Variants in EPS8L1 observed in about 807,000 individuals in gnomAD.
EPS8L1 encodes epidermal growth factor receptor kinase substrate 8-like protein 1.
In EPS8L1, 101 loss-of-function variants were observed where a neutral mutation model predicts 91.7. The ratio of observed to expected loss-of-function variants is 1.10; its 90% CI spans 0.94 to 1.30. The LOEUF (loss-of-function observed/expected upper bound fraction) is 1.30, where lower values mean the gene tolerates loss of function less well. Ranked by LOEUF, EPS8L1 falls within the 50% of genes most tolerant of loss-of-function variation. The pLI, the probability that EPS8L1 is intolerant of heterozygous loss-of-function variation, is 0.00. For missense variants in EPS8L1, 1,114 were observed against 1,017.0 expected (o/e 1.10, Z -1.30); for synonymous variants, 506 against 445.3 (o/e 1.14, Z -1.72).
Position 55,087,526 on chromosome 19 carries a change from A to G in EPS8L1, c.2086-2A>G. On this transcript the variant is annotated splice_acceptor_variant, in intron 19 of 19. Coordinates refer to ENST00000201647, the MANE Select transcript of EPS8L1 (RefSeq NM_133180.3). LOFTEE classifies it high-confidence loss of function. ...CAAAGCGATTTCCACCCCGCCCTCC[A>G]GGACAAAGAGAAAGTGTCAGAGCTG... The G allele has an allele frequency of 6.2e-7, 1 of 1,614,182 alleles. No homozygotes were observed. Among genetic ancestry groups the G allele is most frequent in the Non-Finnish European group, 8.5e-7 (1 of 1,180,030 alleles).
Position 55,081,336 on chromosome 19 carries a change from C to T in EPS8L1, c.618C>T (p.Gly206=), listed in dbSNP as rs1039686937. 3 of 1,556,842 alleles carry T rather than the reference C, an allele frequency of 1.9e-6. No individual in the cohort carries two copies. The highest frequency in any genetic ancestry group is 2.6e-6 in the Non-Finnish European group (3 of 1,156,318). ...VRAVISTVER[G]AGRGRPQAKP... Reference sequence around the variant, plus strand: ...CAGTGATCAGCACCGTAGAGCGGGGCGCGGGCCGCGGACGACCCCAGGCGA... The same window carrying T: ...CAGTGATCAGCACCGTAGAGCGGGGTGCGGGCCGCGGACGACCCCAGGCGA... The change falls in exon 8 of 20, where the codon GGC becomes GGT. Residue 206 remains glycine (G), a synonymous_variant. Coordinates refer to ENST00000201647, the MANE Select transcript of EPS8L1 (RefSeq NM_133180.3). This position sits in a 1 kb window ranked among gnomAD's most constrained non-coding sequence, Gnocchi z 4.9.
Position 55,086,843 on chromosome 19 carries a change from C to G in EPS8L1, c.1907C>G (p.Ala636Gly). Residue 636 changes from alanine to glycine, a missense_variant, in exon 18 of 20, where the codon GCC becomes GGC. Physicochemically the swap from Ala to Gly is moderately conservative, Grantham distance 60. Transcript: ENST00000201647. The stretch of plus-strand genomic sequence containing the variant: ...CCGCAGCTCAGCCCGGGCTCGGACG[C>G]CTCCGAGGTCCGCGCCTGGCTGCAG... ...PEPQLSPGSD[A>G]SEVRAWLQAK... is the part of the protein sequence containing the mutation. The G allele has an allele frequency of 6.6e-7, 1 of 1,504,792 alleles. No homozygotes were observed. The highest frequency in any genetic ancestry group is 8.8e-7 in the Non-Finnish European group (1 of 1,131,944). 93.2% of individuals were successfully genotyped at this position (1,504,792 alleles called of 1,614,324 possible). A position where few individuals can be genotyped will look rare whatever the true frequency, so the allele number is the denominator to read the frequency against.
rs774133419 is a variant in EPS8L1 at position 55,083,482 on chromosome 19, T to C, written c.1319T>C (p.Val440Ala). 6.2e-7 allele frequency: 1 copy of C among 1,612,184 alleles called. No homozygotes were observed. The highest frequency in any genetic ancestry group is 1.3e-5 in the African/African-American group (1 of 74,894). The change falls in exon 13 of 20, where the codon GTT (valine) becomes GCT (alanine). Residue 440 changes from valine to alanine, a missense_variant. Coordinates refer to ENST00000201647, the MANE Select transcript of EPS8L1 (RefSeq NM_133180.3). The surrounding 1 kb of genome is among the most constrained non-coding windows in gnomAD (Gnocchi z 4.7). ...CAGAGCCGCGCCTGGGAGGACCCAGTTGAGAAACAGCTACAGCACGAGCGG... is the reference window on the plus strand; with the variant it reads ...CAGAGCCGCGCCTGGGAGGACCCAGCTGAGAAACAGCTACAGCACGAGCGG... ...DPQSRAWEDP[V>A]EKQLQHERRR...
Position 55,083,501 on chromosome 19 carries a change from CG to C in EPS8L1, c.1339del (p.Glu447SerfsTer86). On this transcript the variant is annotated frameshift_variant, in exon 13 of 20. Transcript: ENST00000201647. LOFTEE classifies it high-confidence loss of function. This position sits in a 1 kb window ranked among gnomAD's most constrained non-coding sequence, Gnocchi z 4.7. ...ACCCAGTTGAGAAACAGCTACAGCA[CG>C]AGCGGAGGCGCCGGCAGGTGACCCA... ...EDPVEKQLQHERRRRQQSAPQ... is the reference protein window; with the variant it reads ...EDPVEKQLQHXRRRRQQSAPQ... 6.2e-7 allele frequency: 1 copy of C among 1,611,154 alleles called. No individual in the cohort carries two copies. The highest frequency in any genetic ancestry group is 8.5e-7 in the Non-Finnish European group (1 of 1,179,090).
chr19:55,080,931 G>A lies in EPS8L1; in HGVS notation c.512+77G>A. ...GTGCCTCAGTCTACAACACCAGCCT[G>A]GAACAGAACAAGAGTTTTGCATGGA... On this transcript the variant is annotated intron_variant, in intron 7 of 19. Transcript: ENST00000201647. The A allele has an allele frequency of 1.4e-5, 19 of 1,347,714 alleles. No homozygotes were observed. In the South Asian group the frequency reaches 2.5e-4, roughly 18 times the overall value. The allele number at this position is 1,347,714 out of a possible 1,614,324, so 83.5% of individuals were successfully genotyped here.
chr19:55,080,861 G>A lies in EPS8L1; in HGVS notation c.512+7G>A, dbSNP rs370301871. 1.2e-3 allele frequency: 1,985 copies of A among 1,602,236 alleles called. 3 individuals carry two copies. The highest frequency in any genetic ancestry group is 1.5e-3 in the Non-Finnish European group (1,819 of 1,173,612). On this transcript the variant is annotated splice_region_variant and intron_variant, in intron 7 of 19. Transcript: ENST00000201647. ...GCAGGGCGGCGGCGCTCAGGTGAGA[G>A]GGAAGAAGTTGGCAGGGTCTCTGGG...
In EPS8L1 at chr19:55,082,606, A is replaced by AG; in HGVS notation, c.1214+8dup. ...GGGACTCGTGGACCCGCCCCGGGTGAGGGGCGGGGCTGGGAGGCAGGGGGC... is the reference window on the plus strand; with the variant it reads ...GGGACTCGTGGACCCGCCCCGGGTGAGGGGGCGGGGCTGGGAGGCAGGGGGC... On this transcript the variant is annotated splice_donor_region_variant and intron_variant, in intron 12 of 19. Transcript: ENST00000201647. The AG allele has an allele frequency of 6.4e-7, 1 of 1,556,204 alleles. No individual in the cohort carries two copies. The highest frequency in any genetic ancestry group is 8.7e-7 in the Non-Finnish European group (1 of 1,150,844).
chr19:55,080,366 G>A, intron 6 of EPS8L1, 88 bp downstream of exon 6: 2 of 1,549,198 alleles, frequency 1.3e-6, no homozygotes, highest in Non-Finnish European at 1.7e-6. Context: ...TCTAGGTGGG[G>A]CGGGGCCTGG....
At chr19:55,080,954 G>A (rs1272478549) in intron 7 of EPS8L1, 100 bp downstream of exon 7, 2 of 1,180,484 alleles carry the variant, frequency 1.7e-6, no homozygotes, top group South Asian at 1.5e-5. Flanking sequence ...AGTTTTGCAT[G>A]GAGTCAAGCA....
rs1341804877 is a variant in EPS8L1 at position 55,081,489 on chromosome 19, A to G, written c.771A>G (p.Glu257=). 2.5e-6 allele frequency: 4 copies of G among 1,580,350 alleles called. No homozygotes were observed. The highest frequency in any genetic ancestry group is 8.6e-7 in the Non-Finnish European group (1 of 1,163,818). ...TGGCGGTTCTGCAGGCGGAGCGGGA[A>G]GTGGTGAGCCGCTAAGGAAGGGGTC... The part of the protein sequence containing the change: ...PDLAVLQAER[E]VDILNHVFDD... The change falls in exon 8 of 20, where the codon GAA becomes GAG. Residue 257 remains glutamate (E), a synonymous_variant. Coordinates refer to ENST00000201647, the MANE Select transcript of EPS8L1 (RefSeq NM_133180.3). This position sits in a 1 kb window ranked among gnomAD's most constrained non-coding sequence, Gnocchi z 4.9.
chr19:55,087,452 G>A lies in EPS8L1; in HGVS notation c.2085+17G>A, dbSNP rs1486958330. 1 of 1,614,210 alleles carries A rather than the reference G, an allele frequency of 6.2e-7. No individual in the cohort carries two copies. The highest frequency in any genetic ancestry group is 2.2e-5 in the East Asian group (1 of 44,872). ...CTGCTGGAGGTGAGCCGGACCGCTG[G>A]TCCCTGGGTCTGGGTAGGGTTGGGA... On this transcript the variant is annotated intron_variant, in intron 19 of 19. Transcript: ENST00000201647.
At position 55,085,641 on chromosome 19, in the gene EPS8L1, G is replaced by A. The variant is rs557226766; in HGVS notation, c.1386-200G>A. On this transcript the variant is annotated intron_variant, in intron 14 of 19. Coordinates refer to ENST00000201647, the MANE Select transcript of EPS8L1 (RefSeq NM_133180.3). ...TGGTGGGATAGTACCCACTACATAT[G>A]CCTACAGCACAATGCCAAGCAACGG... 8 of 555,248 alleles carry A rather than the reference G, an allele frequency of 1.4e-5. No homozygotes were observed. In the Admixed American group the frequency reaches 2.6e-4, roughly 18 times the overall value. The allele number at this position is 555,248 out of a possible 1,614,324, so 34.4% of individuals were successfully genotyped here.
intron 5 of EPS8L1, 46 bp downstream of exon 5, chr19:55,079,897 T>G: frequency 6.4e-7 from 1 of 1,556,130 alleles, no homozygotes; most frequent in Non-Finnish European, 8.7e-7. Context: ...GGCAGGGACT[T>G]CAGGGGGTCT....
At chr19:55,076,725 C>T (rs1456858224) in intron 2 of EPS8L1, among the ~76,000 whole-genome samples, 6 of 152,214 alleles carry the variant, frequency 3.9e-5, no homozygotes, top group African/African-American at 1.4e-4. Flanking sequence ...AGGACATCAC[C>T]TCCTGGAGCC....
chr19:55,087,652 G>A lies in EPS8L1; in HGVS notation c.*38G>A, dbSNP rs758666204. The A allele has an allele frequency of 6.9e-6, 11 of 1,603,274 alleles. No homozygotes were observed. Among genetic ancestry groups the A allele is most frequent in the South Asian group, 6.6e-5 (6 of 90,334 alleles). ...CCTTCGCAAAGAGTGACGAGGCCCC[G>A]TGGGAGAACGGACTCCTCAGACTCT... On this transcript the variant is annotated 3_prime_UTR_variant, in exon 20 of 20. Coordinates refer to ENST00000201647, the MANE Select transcript of EPS8L1 (RefSeq NM_133180.3).
chr19:55,080,075 T>G, intron 5 of EPS8L1, 54 bp from the exon 6 acceptor site: 1 of 1,461,452 alleles, frequency 6.8e-7, no homozygotes, highest in East Asian at 2.5e-5. Context: ...CCGTCGCCAT[T>G]TAGTAGTACC....
rs759111790 is a variant in EPS8L1 at position 55,087,531 on chromosome 19, A to G, written c.2089A>G (p.Lys697Glu). The stretch of plus-strand genomic sequence containing the variant: ...CGATTTCCACCCCGCCCTCCAGGAC[A>G]AAGAGAAAGTGTCAGAGCTGGAGGC... ...VTVQRSLLED[K>E]EKVSELEAVM... Residue 697 changes from lysine (K) to glutamate (E), a missense_variant, in exon 20 of 20, where the codon AAA (lysine) becomes GAA (glutamate). Transcript: ENST00000201647. 6 of 1,614,054 alleles carry G rather than the reference A, an allele frequency of 3.7e-6. No homozygotes were observed. In the African/African-American group the frequency reaches 8.0e-5, roughly 22 times the overall value.
chr19:55,080,550 G>T, intron 6 of EPS8L1: 1 of 1,611,852 alleles, frequency 6.2e-7, no homozygotes, highest in South Asian at 1.1e-5. Context: ...AGGTGGGGGC[G>T]AGGAACCACC....
At position 55,086,512 on chromosome 19, in the gene EPS8L1, G is replaced by C. The variant is rs200225675; in HGVS notation, c.1771G>C (p.Glu591Gln). ...CDSLNGLDPSEKEKFSQMLIV... is the reference protein window; with the variant it reads ...CDSLNGLDPSQKEKFSQMLIV... ...TAGCCTCAACGGCTTGGACCCCAGC[G>C]AGAAGGGTGAGTGGTGGGGACGCCG... The change falls in exon 17 of 20, where the codon GAG (glutamate) becomes CAG (glutamine). Residue 591 changes from glutamate (E) to glutamine (Q), a missense_variant. Physicochemically the swap from Glu to Gln is conservative, Grantham distance 29 (BLOSUM62 2). Coordinates refer to ENST00000201647, the MANE Select transcript of EPS8L1 (RefSeq NM_133180.3). 6.4e-7 allele frequency: 1 copy of C among 1,551,202 alleles called. No individual in the cohort carries two copies. Among genetic ancestry groups the C allele is most frequent in the South Asian group, 1.2e-5 (1 of 84,032 alleles).
Sources: gnomAD v4.1 joint callset for allele counts (sites outside exome capture counted in the v4.1 genomes callset) on GRCh38, gnomAD v4.1.1 for gene constraint, Gnocchi (gnomAD v3.1) non-coding constraint, MANE v1.5 for transcripts, NCBI Gene and HGNC (gene_info 2026-07-23, HGNC 2026-07-21) for gene names.